The following C2orf74 variants were observed in gnomAD, a reference collection of about 807,000 sequenced individuals.
The protein encoded by C2orf74 is DPM1 ER membrane anchor 1.
Under a neutral mutation model 17.9 loss-of-function variants are expected in C2orf74, and 14 were observed. That is an observed-to-expected ratio of 0.78 (90% CI 0.52 to 1.22). The LOEUF (loss-of-function observed/expected upper bound fraction) is 1.22. Ranked by LOEUF, C2orf74 falls within the 50% of genes most tolerant of loss-of-function variation. The pLI, the probability that C2orf74 is intolerant of heterozygous loss-of-function variation, is 0.00. For missense variants in C2orf74, 217 were observed against 218.4 expected (o/e 0.99, Z 0.04); for synonymous variants, 79 against 72.6 (o/e 1.09, Z -0.44).
At position 61,162,581 on chromosome 2, in the gene C2orf74, CTCT is replaced by C. The variant is rs1470785325; in HGVS notation, c.69_71del (p.Leu25del). The C allele has an allele frequency of 2.6e-6, 4 of 1,549,998 alleles. No individual in the cohort carries two copies. The Admixed American group carries it at 5.9e-5, about 23-fold the overall frequency. ...TCTAATTTGCCTCATTTGCATCCTC[CTCT>C]TATTGGTGGTTTTTTTATATAAATG... On this transcript the variant is annotated inframe_deletion, in exon 2 of 5. Transcript: ENST00000432605.
Position 61,164,456 on chromosome 2 carries a change from A to T in C2orf74, c.493A>T (p.Ile165Phe). ...LKGVTFSREV[I>F]VVDLGNEYPT... is the part of the protein sequence containing the mutation. The stretch of plus-strand genomic sequence containing the variant: ...AGGAGTGACATTTTCTAGGGAGGTA[A>T]TTGTTGTGGATCTTGGGAATGAATA... The change falls in exon 5 of 5, where the codon ATT (isoleucine) becomes TTT (phenylalanine). Residue 165 changes from isoleucine to phenylalanine, a missense_variant. By Grantham distance (21) the Ile-to-Phe change is conservative. Coordinates refer to ENST00000432605, the MANE Select transcript of C2orf74 (RefSeq NM_001143959.4). 1.3e-6 allele frequency: 2 copies of T among 1,551,194 alleles called. No homozygotes were observed. Among genetic ancestry groups the T allele is most frequent in the Non-Finnish European group, 1.7e-6 (2 of 1,146,810 alleles).
intron 1 of C2orf74, among the ~76,000 whole-genome samples, chr2:61,146,037 TG>T (rs1382108990): frequency 5.3e-5 from 8 of 152,234 alleles, no homozygotes; most frequent in Non-Finnish European, 1.2e-4. Context: ...AATCCCACTT[TG>T]GGGAATTTTG....
chr2:61,153,149 C>CAAAA (rs1166347493), intron 1 of C2orf74, among the ~76,000 whole-genome samples: 1 of 56,218 alleles, frequency 1.8e-5, no homozygotes, highest in African/African-American at 6.7e-5. Flanking sequence ...ACTCCGTCTC[C>CAAAA]AAAAAAAAAA....
exon 1 of C2orf74, chr2:61,145,150 T>C (rs1685029898): frequency 6.6e-6 from 1 of 152,348 alleles, no homozygotes; most frequent in African/African-American, 2.4e-5. Flanking sequence ...TCCGAGAGTC[T>C]TAAAATCCTG....
upstream of C2orf74, among the ~76,000 whole-genome samples, chr2:61,157,540 A>G (rs1573716496): frequency 6.6e-6 from 1 of 152,200 alleles, no homozygotes; most frequent in Non-Finnish European, 1.5e-5. Flanking sequence ...GGACTCACAC[A>G]GCTGAAAGTC....
intron 1 of C2orf74, among the ~76,000 whole-genome samples, chr2:61,149,584 T>C (rs906838391): frequency 8.5e-5 from 12 of 140,386 alleles, no homozygotes; most frequent in Non-Finnish European, 1.1e-4. Context: ...CTTTTTTTTT[T>C]TTTTTTTTTT....
intron 1 of C2orf74, among the ~76,000 whole-genome samples, chr2:61,150,589 A>T (rs1424562311): frequency 1.3e-5 from 2 of 152,182 alleles, no homozygotes; most frequent in Admixed American, 1.3e-4. Flanking sequence ...AGTCAGTCAG[A>T]TGCAGCTACA....
chr2:61,145,141 C>T (rs1455666489), exon 1 of C2orf74: 1 of 152,310 alleles, frequency 6.6e-6, no homozygotes, highest in Non-Finnish European at 1.5e-5. Context: ...TTGACGTCGT[C>T]CGAGAGTCTT....
At position 61,164,678 on chromosome 2, in the gene C2orf74, G is replaced by A. The variant is rs1435994070; in HGVS notation, c.*151G>A. ...CTTTGTGCAGAAAGGAGTGAGCCAT[G>A]TGCAAAATTCTGTAAGTAAAATACT... On this transcript the variant is annotated 3_prime_UTR_variant, in exon 5 of 5. Coordinates refer to ENST00000432605, the MANE Select transcript of C2orf74 (RefSeq NM_001143959.4). The A allele has an allele frequency of 8.5e-6, 5 of 588,446 alleles. No homozygotes were observed. The highest frequency in any genetic ancestry group is 1.3e-5 in the Non-Finnish European group (5 of 381,582). 36.5% of individuals were successfully genotyped at this position (588,446 alleles called of 1,614,324 possible).
chr2:61,162,668 A>G (rs555233097), intron 2 of C2orf74, 59 bp downstream of exon 2: 1 of 1,124,768 alleles, frequency 8.9e-7, no homozygotes, highest in South Asian at 1.4e-5. Flanking sequence ...AAATGTGTAT[A>G]GAAATAATGT....
intron 1 of C2orf74, among the ~76,000 whole-genome samples, chr2:61,151,241 G>A (rs1057248976): frequency 2.7e-5 from 4 of 149,910 alleles, no homozygotes; most frequent in South Asian, 2.1e-4. Flanking sequence ...GCTTGAACCC[G>A]GGAGATGGAG....
chr2:61,162,471 A>T lies in C2orf74; in HGVS notation c.-44A>T. 1 of 1,358,790 alleles carries T rather than the reference A, an allele frequency of 7.4e-7. No homozygotes were observed. Among genetic ancestry groups the T allele is most frequent in the Non-Finnish European group, 1.0e-6 (1 of 983,740 alleles). The allele number at this position is 1,358,790 out of a possible 1,614,324, so 84.2% of individuals were successfully genotyped here. A position where few individuals can be genotyped will look rare whatever the true frequency, so the allele number is the denominator to read the frequency against. On this transcript the variant is annotated 5_prime_UTR_variant, in exon 2 of 5. Transcript: ENST00000432605. ...AATTGAGCTGGAAAAGAATATTTGG[A>T]CAGTCTGTGATTGTGAGAGTGGATG...
At chr2:61,157,947 T>C (rs1326561680), upstream of C2orf74, 1 of 471,304 alleles carries the variant, frequency 2.1e-6, no homozygotes, top group Non-Finnish European at 4.4e-6. Context: ...CCCAAGTTGC[T>C]GCAGATCCTG....
chr2:61,149,568 G>A (rs1476954940), intron 1 of C2orf74, among the ~76,000 whole-genome samples: 2 of 145,146 alleles, frequency 1.4e-5, no homozygotes, highest in Non-Finnish European at 3.0e-5. Flanking sequence ...GATGTTGGGC[G>A]CCTTTCTTTT....
chr2:61,154,209 G>C (rs1017153659), intron 1 of C2orf74, among the ~76,000 whole-genome samples: 1 of 149,286 alleles, frequency 6.7e-6, no homozygotes, highest in Non-Finnish European at 1.5e-5. Flanking sequence ...ACTTCAGCCT[G>C]GGCAATAAGA....
At chr2:61,145,504 C>G (rs1222446418) in intron 1 of C2orf74, among the ~76,000 whole-genome samples, 2 of 152,158 alleles carry the variant, frequency 1.3e-5, no homozygotes, top group East Asian at 3.9e-4. Flanking sequence ...GCTCACTGCA[C>G]CCTCCGCTGC....
At chr2:61,154,065 C>G (rs1044226609) in intron 1 of C2orf74, among the ~76,000 whole-genome samples, 6 of 151,792 alleles carry the variant, frequency 4.0e-5, no homozygotes, top group Non-Finnish European at 7.4e-5. Context: ...ATGGTGAAAT[C>G]CCGTCTCTAC....
chr2:61,147,850 C>T (rs945172927), intron 1 of C2orf74, among the ~76,000 whole-genome samples: 15 of 152,004 alleles, frequency 9.9e-5, no homozygotes, highest in Admixed American at 9.2e-4. Context: ...TCACTGCAAC[C>T]TCCGCCTCCT....
chr2:61,153,888 C>CA (rs1357222371), intron 1 of C2orf74, among the ~76,000 whole-genome samples: 22 of 125,588 alleles, frequency 1.8e-4, no homozygotes, highest in African/African-American at 4.0e-4. Context: ...CACTCCGTCT[C>CA]AAAAAAAAAG....
Sources: gnomAD v4.1 joint callset for allele counts (sites outside exome capture counted in the v4.1 genomes callset) on GRCh38, gnomAD v4.1.1 for gene constraint, MANE v1.5 for transcripts, NCBI Gene and HGNC (gene_info 2026-07-23, HGNC 2026-07-21) for gene names.